TRPM4: variants seen among roughly 807,000 people sequenced by gnomAD.
The protein encoded by TRPM4 is calcium-activated non-selective cation channel 1.
Under a neutral mutation model 135.6 loss-of-function variants are expected in TRPM4, and 124 were observed. The observed-to-expected ratio is 0.91, with a 90% CI of 0.79 to 1.06. The LOEUF is 1.06. Among genes scored for constraint, TRPM4 ranks in the 50% least tolerant of loss-of-function variants. The pLI is 0.00. For missense variants in TRPM4, 1,658 were observed against 1,671.4 expected, an observed-to-expected ratio of 0.99 and a Z score of 0.14; for synonymous variants, 745 against 705.6, an observed-to-expected ratio of 1.06 and a Z score of -0.88.
Position 49,200,366 on chromosome 19 carries a change from G to T in TRPM4, c.2712G>T (p.Val904=), listed in dbSNP as rs143447932. The change falls in exon 18 of 25, where the codon GTG becomes GTT. Residue 904 remains valine, a synonymous_variant. Transcript: ENST00000252826. ...VLCIDFMVFT[V]RLLHIFTVNK... ...GCATCGACTTCATGGTTTTCACGGT[G>T]CGGCTGCTTCACATCTTCACGGTCA... 131 of 1,613,934 alleles carry T rather than the reference G, an allele frequency of 8.1e-5. No homozygotes were observed. Among genetic ancestry groups the T allele is most frequent in the Admixed American group, 2.8e-4 (17 of 59,964 alleles).
chr19:49,190,377 T>G, intron 15 of TRPM4, 57 bp downstream of exon 15: 3 of 1,447,862 alleles, frequency 2.1e-6, no homozygotes, highest in Non-Finnish European at 2.9e-6. Flanking sequence ...AGTTTCTCCT[T>G]CCTGCCCCCT....
At chr19:49,203,757 G>T (rs1969041072) in intron 20 of TRPM4, among the ~76,000 whole-genome samples, 1 of 152,142 alleles carries the variant, frequency 6.6e-6, no homozygotes, top group African/African-American at 2.4e-5. Flanking sequence ...ATGTTTTCAA[G>T]GCTCATCCCT....
At chr19:49,167,092 C>T (rs527797856) in intron 3 of TRPM4, among the ~76,000 whole-genome samples, 2 of 137,330 alleles carry the variant, frequency 1.5e-5, no homozygotes, top group African/African-American at 5.7e-5. Context: ...CTCTGTCCCT[C>T]TCTCTCTGGG....
chr19:49,160,979 G>T (rs1392812092), intron 2 of TRPM4, among the ~76,000 whole-genome samples: 1 of 152,012 alleles, frequency 6.6e-6, no homozygotes, highest in Non-Finnish European at 1.5e-5. Context: ...CTGCTGACTG[G>T]GACACAGTGG....
chr19:49,175,216 C>T (rs1275518190), intron 9 of TRPM4, among the ~76,000 whole-genome samples: 1 of 152,044 alleles, frequency 6.6e-6, no homozygotes. Context: ...GCTGGGATTA[C>T]AGGCATGCGC....
chr19:49,196,976 A>C, intron 17 of TRPM4, 102 bp downstream of exon 17: 1 of 1,193,720 alleles, frequency 8.4e-7, no homozygotes, highest in Non-Finnish European at 1.2e-6. Flanking sequence ...GCTGGGCAGC[A>C]GGTCAAGCCA....
At chr19:49,165,903 G>A in intron 2 of TRPM4, 138 bp from the exon 3 acceptor site, 1 of 870,820 alleles carries the variant, frequency 1.1e-6, no homozygotes, top group Non-Finnish European at 1.7e-6. Context: ...GCCAGGGCCA[G>A]GGGCAGCGTG....
At chr19:49,194,092 T>C (rs1256087731) in intron 16 of TRPM4, among the ~76,000 whole-genome samples, 1 of 150,274 alleles carries the variant, frequency 6.7e-6, no homozygotes, top group African/African-American at 2.5e-5. Flanking sequence ...CTGCTCCTGC[T>C]CCTCCGCCTT....
At chr19:49,204,494 G>C (rs8103023) in intron 20 of TRPM4, among the ~76,000 whole-genome samples, 8,537 of 151,588 alleles carry the variant, frequency 0.056, 690 homozygotes, top group African/African-American at 0.17. Context: ...CAGCACTTTG[G>C]GGGGCTGAGG....
chr19:49,158,448 C>G, intron 2 of TRPM4, 189 bp downstream of exon 2: 1 of 633,748 alleles, frequency 1.6e-6, no homozygotes, highest in Non-Finnish European at 2.8e-6. Flanking sequence ...TCCCCATTCG[C>G]CATTCTCCCG....
In TRPM4 at chr19:49,166,320, A is replaced by G. The variant is rs73590084; in HGVS notation, c.267+105A>G. Reference sequence around the variant, plus strand: ...GCCCTGAACCCTGGCCCCTCCGCCCATCCCTGTCTTGGCTCTCTTTGTCCC... The same window carrying G: ...GCCCTGAACCCTGGCCCCTCCGCCCGTCCCTGTCTTGGCTCTCTTTGTCCC... On this transcript the variant is annotated intron_variant, in intron 3 of 24. Transcript: ENST00000252826. The G allele has an allele frequency of 0.033, 40,547 of 1,244,382 alleles. 2,630 individuals carry two copies. The highest frequency in any genetic ancestry group is 0.25 in the African/African-American group (16,686 of 65,654). 77.1% of individuals were successfully genotyped at this position (1,244,382 alleles called of 1,614,324 possible). A position where few individuals can be genotyped will look rare whatever the true frequency, so the allele number is the denominator to read the frequency against.
rs775430500 is a variant in TRPM4 at position 49,210,239 on chromosome 19, C to T, written c.3162C>T (p.Ser1054=). 2 of 1,614,238 alleles carry T rather than the reference C, an allele frequency of 1.2e-6. No homozygotes were observed. Among genetic ancestry groups the T allele is most frequent in the South Asian group, 2.2e-5 (2 of 91,088 alleles). The change falls in exon 21 of 25, where the codon AGC becomes AGT. Residue 1054 remains serine, a synonymous_variant. Coordinates refer to ENST00000252826, the MANE Select transcript of TRPM4 (RefSeq NM_017636.4). The surrounding 1 kb of genome is among the most constrained non-coding windows in gnomAD (Gnocchi z 4.1). Reference sequence around the variant, plus strand: ...CATTCGGCAAAGTACAGGGCAACAGCGATCTCTACTGGAAGGCGCAGCGTT... The same window carrying T: ...CATTCGGCAAAGTACAGGGCAACAGTGATCTCTACTGGAAGGCGCAGCGTT... ...SYTFGKVQGN[S]DLYWKAQRYR...
chr19:49,203,340 T>C (rs942815991), intron 20 of TRPM4, among the ~76,000 whole-genome samples: 6 of 150,978 alleles, frequency 4.0e-5, no homozygotes, highest in Non-Finnish European at 7.4e-5. Context: ...CCACCACACC[T>C]GGCTAATTTT....
rs867952353 is a variant in TRPM4 at position 49,204,865 on chromosome 19, A to T, written c.3131+2724A>T. ...GCGTGAGCCACCGTGCCCAGCGGCT[A>T]TTTTTTTTTTTTTTAATGAAACTCC... On this transcript the variant is annotated intron_variant, in intron 20 of 24. Coordinates refer to ENST00000252826, the MANE Select transcript of TRPM4 (RefSeq NM_017636.4). Among the ~76,000 whole-genome samples, 821 of 104,280 alleles carry T rather than the reference A, an allele frequency of 7.9e-3. 6 individuals are homozygous for T. Among genetic ancestry groups the T allele is most frequent in the African/African-American group, 0.026 (739 of 28,076 alleles). The allele number at this position is 104,280 out of a possible 152,430, so 68.4% of individuals were successfully genotyped here. A position where few individuals can be genotyped will look rare whatever the true frequency, so the allele number is the denominator to read the frequency against.
chr19:49,163,484 A>G (rs868844068), intron 2 of TRPM4, among the ~76,000 whole-genome samples: 1 of 151,874 alleles, frequency 6.6e-6, no homozygotes, highest in Non-Finnish European at 1.5e-5. Flanking sequence ...ATGAGCCACC[A>G]TGCCCGGCCT....
chr19:49,157,795 G>A lies in TRPM4; in HGVS notation c.-72G>A. On this transcript the variant is annotated 5_prime_UTR_variant, in exon 1 of 25. Transcript: ENST00000252826. ...TGGAGGATCCGGTTTGCTCTGGGCG[G>A]GTCTGGAAGCAGAGCCGGCGGAGGG... The A allele has an allele frequency of 2.6e-6, 4 of 1,530,506 alleles. No individual in the cohort carries two copies. Among genetic ancestry groups the A allele is most frequent in the African/African-American group, 1.4e-5 (1 of 72,994 alleles). The allele number at this position is 1,530,506 out of a possible 1,614,324, so 94.8% of individuals were successfully genotyped here. A position where few individuals can be genotyped will look rare whatever the true frequency, so the allele number is the denominator to read the frequency against.
rs901927410 is a variant in TRPM4 at position 49,211,709 on chromosome 19, G to A, written c.*211G>A. The A allele has an allele frequency of 7.4e-6, 5 of 671,312 alleles. No homozygotes were observed. The highest frequency in any genetic ancestry group is 3.9e-4 in the Middle Eastern group (1 of 2,540). The allele number at this position is 671,312 out of a possible 1,614,324, so 41.6% of individuals were successfully genotyped here. A position where few individuals can be genotyped will look rare whatever the true frequency, so the allele number is the denominator to read the frequency against. ...TCCCAGAACCAGTCCCAGCCTGGGA[G>A]GATCAAGGCCTGGATCCCGGGCCGT... On this transcript the variant is annotated 3_prime_UTR_variant, in exon 25 of 25. Coordinates refer to ENST00000252826, the MANE Select transcript of TRPM4 (RefSeq NM_017636.4). This position sits in a 1 kb window ranked among gnomAD's most constrained non-coding sequence, Gnocchi z 4.8.
intron 20 of TRPM4, among the ~76,000 whole-genome samples, chr19:49,206,178 G>C (rs952354975): frequency 6.6e-6 from 1 of 151,416 alleles, no homozygotes; most frequent in Non-Finnish European, 1.5e-5. Flanking sequence ...GGCCAGGCTA[G>C]TCTTGAACTC....
chr19:49,187,802 G>T (rs980747900), intron 12 of TRPM4, among the ~76,000 whole-genome samples: 2 of 152,154 alleles, frequency 1.3e-5, no homozygotes, highest in African/African-American at 4.8e-5. Flanking sequence ...GGCTTGGGAA[G>T]TGGGGAGTGC....
Sources: allele counts gnomAD v4.1 joint callset (sites outside exome capture counted in the v4.1 genomes callset), GRCh38; gene constraint gnomAD v4.1.1; non-coding constraint Gnocchi (gnomAD v3.1); transcripts MANE v1.5; gene names NCBI Gene and HGNC (gene_info 2026-07-23, HGNC 2026-07-21).